PMEPA1: variants seen among roughly 807,000 people sequenced by gnomAD.
The protein encoded by PMEPA1 is prostate transmembrane protein, androgen induced 1, also known as protein TMEPAI.
Under a neutral mutation model 23.0 loss-of-function variants are expected in PMEPA1, and 11 were observed. That is an observed-to-expected ratio of 0.48 (90% CI 0.30 to 0.79). The LOEUF (loss-of-function observed/expected upper bound fraction) is 0.79, where lower values mean the gene tolerates loss of function less well. Ranked by LOEUF, PMEPA1 falls within the 30% of genes least tolerant of loss-of-function variation. PMEPA1 has a pLI of 0.06. For missense variants in PMEPA1, 377 were observed against 390.9 expected (o/e 0.96, Z 0.30); for synonymous variants, 204 against 166.4 (o/e 1.23, Z -1.74).
At chr20:57,685,008 G>A (rs79717329) in intron 1 of PMEPA1, among the ~76,000 whole-genome samples, 6 of 152,222 alleles carry the variant, frequency 3.9e-5, no homozygotes, top group Non-Finnish European at 7.4e-5. Context: ...CATTTAAGGA[G>A]AGGAAGAATG....
At chr20:57,694,246 C>T (rs578243364) in intron 1 of PMEPA1, among the ~76,000 whole-genome samples, 1 of 152,318 alleles carries the variant, frequency 6.6e-6, no homozygotes, top group African/African-American at 2.4e-5. Context: ...GGACACAGCT[C>T]CCAAATGACA....
At chr20:57,659,989 G>A (rs374400765) in intron 1 of PMEPA1, among the ~76,000 whole-genome samples, 2 of 152,180 alleles carry the variant, frequency 1.3e-5, no homozygotes, top group South Asian at 2.1e-4. Context: ...AGGAGGTAAC[G>A]GGACAGGCAG....
At chr20:57,680,926 C>T (rs78531172) in intron 1 of PMEPA1, among the ~76,000 whole-genome samples, 3,895 of 152,268 alleles carry the variant, frequency 0.026, 156 homozygotes, top group African/African-American at 0.085. Flanking sequence ...TGCGTGAGGA[C>T]GTAAGCACAG....
intron 1 of PMEPA1, among the ~76,000 whole-genome samples, chr20:57,701,582 C>T (rs1435599557): frequency 1.3e-5 from 2 of 152,150 alleles, no homozygotes; most frequent in Admixed American, 6.5e-5. Flanking sequence ...GTATGAAACT[C>T]GGGCACAGTT....
chr20:57,699,747 A>G (rs917834962), intron 1 of PMEPA1, among the ~76,000 whole-genome samples: 3 of 152,232 alleles, frequency 2.0e-5, no homozygotes, highest in Non-Finnish European at 4.4e-5. Context: ...TGCCGAGGAC[A>G]TGGCCTGGAA....
Position 57,670,431 on chromosome 20 carries a change from C to T in PMEPA1, c.110-10734G>A, listed in dbSNP as rs546537156. On this transcript the variant is annotated intron_variant, in intron 1 of 3. Coordinates refer to ENST00000341744, the MANE Select transcript of PMEPA1 (RefSeq NM_020182.5). Reference sequence around the variant, plus strand: ...ATGCCCGCTGTCTAGAGACCACTTCCACCTTTTCTTCACCTGGCTGACTCA... The same window carrying T: ...ATGCCCGCTGTCTAGAGACCACTTCTACCTTTTCTTCACCTGGCTGACTCA... 1.2e-4 allele frequency among the ~76,000 whole-genome samples: 18 copies of T among 152,304 alleles called. No homozygotes were observed. In the South Asian group the frequency reaches 3.5e-3, roughly 30 times the overall value.
At chr20:57,667,591 G>C (rs1001512216) in intron 1 of PMEPA1, among the ~76,000 whole-genome samples, 1 of 152,214 alleles carries the variant, frequency 6.6e-6, no homozygotes, top group African/African-American at 2.4e-5. Context: ...GGGAGGGGCA[G>C]CTGGCGTCCT....
intron 1 of PMEPA1, among the ~76,000 whole-genome samples, chr20:57,695,093 G>A (rs2071928541): frequency 6.6e-6 from 1 of 152,262 alleles, no homozygotes; most frequent in South Asian, 2.1e-4. Flanking sequence ...TGAGGTCCAC[G>A]CTGTCTGGGA....
At chr20:57,685,983 A>G (rs2071795669) in intron 1 of PMEPA1, among the ~76,000 whole-genome samples, 2 of 151,904 alleles carry the variant, frequency 1.3e-5, no homozygotes, top group South Asian at 4.2e-4. Context: ...AAAGAAAGAC[A>G]GGGTTGGAGG....
chr20:57,689,029 G>A (rs938943011), intron 1 of PMEPA1, among the ~76,000 whole-genome samples: 1 of 152,252 alleles, frequency 6.6e-6, no homozygotes. Flanking sequence ...CACAGGCTGT[G>A]GGGTTTTATT....
chr20:57,675,905 C>T (rs2071630513), intron 1 of PMEPA1, among the ~76,000 whole-genome samples: 1 of 152,122 alleles, frequency 6.6e-6, no homozygotes, highest in Non-Finnish European at 1.5e-5. Context: ...CTTTTTCAGG[C>T]AACGTGAAAA....
chr20:57,655,765 C>A lies in PMEPA1; in HGVS notation c.265-2679G>T, dbSNP rs1247425234. On this transcript the variant is annotated intron_variant, in intron 2 of 3. Transcript: ENST00000341744. The surrounding 1 kb of genome is among the most constrained non-coding windows in gnomAD (Gnocchi z 4.2). ...CTTTGAAGTGGGCGCACCCAGTCCA[C>A]CTGCGCCTTCCCCATTTAGATGCTT... Among the ~76,000 whole-genome samples the A allele has an allele frequency of 2.0e-5, 3 of 152,202 alleles. No individual in the cohort carries two copies. The highest frequency in any genetic ancestry group is 2.0e-4 in the Admixed American group (3 of 15,284).
chr20:57,673,414 A>T (rs2071595822), intron 1 of PMEPA1, among the ~76,000 whole-genome samples: 1 of 152,146 alleles, frequency 6.6e-6, no homozygotes, highest in Admixed American at 6.5e-5. Context: ...GTCATGACTT[A>T]GCCTTTCCTC....
Position 57,651,716 on chromosome 20 carries a change from AATT to A in PMEPA1, c.*334_*336del, listed in dbSNP as rs2071231319. On this transcript the variant is annotated 3_prime_UTR_variant, in exon 4 of 4. Transcript: ENST00000341744. ...CAAATATGTCTTTAAAGTTAAGTGAAATTATCATAAACAAAAGAAAATAAGCAT... is the reference window on the plus strand; with the variant it reads ...CAAATATGTCTTTAAAGTTAAGTGAAATCATAAACAAAAGAAAATAAGCAT... 1.2e-5 allele frequency: 2 copies of A among 168,472 alleles called. No homozygotes were observed. The highest frequency in any genetic ancestry group is 4.7e-5 in the African/African-American group (2 of 42,146). The allele number at this position is 168,472 out of a possible 1,614,324, so 10.4% of individuals were successfully genotyped here.
chr20:57,672,278 G>T (rs765510353), intron 1 of PMEPA1, among the ~76,000 whole-genome samples: 28 of 152,254 alleles, frequency 1.8e-4, no homozygotes, highest in Non-Finnish European at 3.7e-4. Flanking sequence ...TCGCCACTCG[G>T]CAAGCACCTC....
chr20:57,658,056 C>T (rs1334498133), intron 2 of PMEPA1, among the ~76,000 whole-genome samples: 1 of 152,234 alleles, frequency 6.6e-6, no homozygotes, highest in African/African-American at 2.4e-5. Context: ...GCCCTTTGGT[C>T]CACCTGCTGA....
intron 1 of PMEPA1, among the ~76,000 whole-genome samples, chr20:57,702,054 C>T (rs2072018785): frequency 1.3e-5 from 2 of 152,192 alleles, no homozygotes; most frequent in African/African-American, 4.8e-5. Flanking sequence ...CTGAAGGTGC[C>T]TCTGAGTGTG....
intron 1 of PMEPA1, among the ~76,000 whole-genome samples, chr20:57,676,019 C>G (rs6070217): frequency 6.6e-6 from 1 of 152,266 alleles, no homozygotes; most frequent in Non-Finnish European, 1.5e-5. Context: ...CACTTCCTTT[C>G]GAAGCAGCAT....
rs774912736 is a variant in PMEPA1, at chr20:57,652,211, T to C, written c.706A>G (p.Ile236Val). ...AAGGAGGACCCCGGGTAGTGGCCGATGACCTCGCTGTAGGTGGGCGGCGGC... is the reference window on the plus strand; with the variant it reads ...AAGGAGGACCCCGGGTAGTGGCCGACGACCTCGCTGTAGGTGGGCGGCGGC... The part of the protein sequence containing the change: ...EGPPPTYSEV[I>V]GHYPGSSFQH... The change falls in exon 4 of 4, where the codon ATC (isoleucine) becomes GTC (valine). Residue 236 changes from isoleucine to valine, a missense_variant. By Grantham distance (29) the Ile-to-Val change is conservative. Around this residue, in one of 3 missense-constraint regions of PMEPA1, gnomAD observed 176 missense variants for 173.0 expected, o/e 1.02. Coordinates refer to ENST00000341744, the MANE Select transcript of PMEPA1 (RefSeq NM_020182.5). This position sits in a 1 kb window ranked among gnomAD's most constrained non-coding sequence, Gnocchi z 6.1. The C allele has an allele frequency of 1.7e-5, 27 of 1,609,458 alleles. No homozygotes were observed. In the South Asian group the frequency reaches 2.5e-4, roughly 15 times the overall value.
Sources: allele counts gnomAD v4.1 joint callset (sites outside exome capture counted in the v4.1 genomes callset), GRCh38; gene constraint gnomAD v4.1.1; regional missense constraint gnomAD v4.1.1; non-coding constraint Gnocchi (gnomAD v3.1); transcripts MANE v1.5; gene names NCBI Gene and HGNC (gene_info 2026-07-23, HGNC 2026-07-21).